The following CERS5 variants were observed in gnomAD, a reference collection of about 807,000 sequenced individuals.
The protein encoded by CERS5 is LAG1 homolog, ceramide synthase 5.
Under a neutral mutation model 58.9 loss-of-function variants are expected in CERS5, and 37 were observed. The observed-to-expected ratio is 0.63, with a 90% CI of 0.48 to 0.83. The LOEUF (loss-of-function observed/expected upper bound fraction) is 0.83, where lower values mean the gene tolerates loss of function less well. CERS5 is among the 40% of genes least tolerant of loss of function. The pLI, the probability that CERS5 is intolerant of heterozygous loss-of-function variation, is 0.00. For synonymous variants in CERS5, 147 were observed against 177.8 expected (o/e 0.83, Z 1.38); for missense variants, 398 against 489.3 (o/e 0.81, Z 1.76).
chr12:50,143,295 A>ACTTATGGC, intron 2 of CERS5, 91 bp from the exon 3 acceptor site: 1 of 1,462,648 alleles, frequency 6.8e-7, no homozygotes, highest in Non-Finnish European at 9.4e-7. Flanking sequence ...TATGATAGCC[A>ACTTATGGC]TAAGTGGCTC....
intron 1 of CERS5, chr12:50,165,705 T>C (rs1565813881): frequency 4.6e-6 from 1 of 218,550 alleles, no homozygotes; most frequent in Admixed American, 6.1e-5. Flanking sequence ...TTTCAGAAAT[T>C]AACAGATTAT....
At chr12:50,164,634 T>C (rs769703392) in intron 1 of CERS5, among the ~76,000 whole-genome samples, 2 of 152,176 alleles carry the variant, frequency 1.3e-5, no homozygotes, top group South Asian at 2.1e-4. Flanking sequence ...CCAAGAATTA[T>C]CATACTAGAA....
rs1378084455 is a variant in CERS5, at chr12:50,155,904, A to G, written c.197+11197T>C. Among the ~76,000 whole-genome samples, 8 of 149,096 alleles carry G rather than the reference A, an allele frequency of 5.4e-5. No homozygotes were observed. The East Asian group carries it at 1.6e-3, about 30-fold the overall frequency. On this transcript the variant is annotated intron_variant, in intron 1 of 9. Coordinates refer to ENST00000317551, the MANE Select transcript of CERS5 (RefSeq NM_147190.5). ...GATCACCTGTGGTCAGGAGTTTGAG[A>G]CCAGCCTGACCAATATGGTGAAACC...
At chr12:50,166,704 C>T (rs1209323693) in intron 1 of CERS5, among the ~76,000 whole-genome samples, 1 of 152,186 alleles carries the variant, frequency 6.6e-6, no homozygotes, top group African/African-American at 2.4e-5. Flanking sequence ...CCTCGGCTTC[C>T]ATGGTCACAA....
chr12:50,154,069 G>A, intron 1 of CERS5: 2 of 238,138 alleles, frequency 8.4e-6, no homozygotes, highest in South Asian at 7.1e-5. Context: ...TTAAGAAACT[G>A]CTACTTGTGG....
intron 1 of CERS5, among the ~76,000 whole-genome samples, chr12:50,157,340 T>C (rs1859767978): frequency 6.6e-6 from 1 of 151,496 alleles, no homozygotes; most frequent in Admixed American, 6.6e-5. Context: ...GATACAGTAA[T>C]ATAGCAAGAT....
intron 9 of CERS5, chr12:50,133,678 T>C: frequency 1.0e-6 from 1 of 985,488 alleles, no homozygotes; most frequent in Non-Finnish European, 1.2e-6. Flanking sequence ...TGAGGCCATC[T>C]CTTAAAAAAC....
intron 1 of CERS5, among the ~76,000 whole-genome samples, chr12:50,160,984 T>C (rs894747039): frequency 1.3e-5 from 2 of 152,182 alleles, no homozygotes; most frequent in African/African-American, 4.8e-5. Flanking sequence ...AAATTATAAT[T>C]TCACCTCTCT....
chr12:50,143,428 G>T, intron 2 of CERS5: 1 of 439,132 alleles, frequency 2.3e-6, no homozygotes, highest in Non-Finnish European at 4.0e-6. Context: ...TCCAGCCCAA[G>T]CTGAGTAAAA....
chr12:50,131,583 A>T (rs866844098), intron 9 of CERS5, among the ~76,000 whole-genome samples: 1 of 151,194 alleles, frequency 6.6e-6, no homozygotes, highest in Non-Finnish European at 1.5e-5. Flanking sequence ...AAAAAGAAAA[A>T]AAAAAAGAAA....
chr12:50,141,961 A>G, intron 4 of CERS5, 92 bp downstream of exon 4: 1 of 787,594 alleles, frequency 1.3e-6, no homozygotes, highest in East Asian at 2.8e-5. Context: ...AAAAAAAAGA[A>G]AAGAAAAAAA....
In CERS5 at chr12:50,142,083, T is replaced by C; in HGVS notation, c.462A>G (p.Ile154Met). Residue 154 changes from isoleucine to methionine, a missense_variant, in exon 4 of 10, where the codon ATA becomes ATG. By Grantham distance (10) the Ile-to-Met change is conservative. Transcript: ENST00000317551. ...AGAGAAATCTAATTCCATAGCAGAA[T>C]ATACATAAATAAAATGTGAATCTCC... is the stretch of plus-strand genomic sequence containing the variant. ...SMWRFTFYLC[I>M]FCYGIRFLWS... is the part of the protein sequence containing the mutation. 1.2e-6 allele frequency: 2 copies of C among 1,605,722 alleles called. No individual in the cohort carries two copies. Among genetic ancestry groups the C allele is most frequent in the Non-Finnish European group, 1.7e-6 (2 of 1,173,384 alleles).
chr12:50,166,673 C>T (rs1939934739), intron 1 of CERS5, among the ~76,000 whole-genome samples: 1 of 152,210 alleles, frequency 6.6e-6, no homozygotes, highest in Non-Finnish European at 1.5e-5. Flanking sequence ...TCCCTTGGAA[C>T]GTCTGGCCCT....
chr12:50,144,816 A>G, intron 1 of CERS5: 1 of 1,524,182 alleles, frequency 6.6e-7, no homozygotes, highest in Non-Finnish European at 8.8e-7. Context: ...TATATCAAGC[A>G]GAGTCCCAAG....
At chr12:50,161,791 A>AAAAAAAAAAAAAAAAAAAAAAAAAC (rs1939303677) in intron 1 of CERS5, among the ~76,000 whole-genome samples, 5 of 150,176 alleles carry the variant, frequency 3.3e-5, no homozygotes, top group East Asian at 1.9e-4. Flanking sequence ...AAAGAAAAAA[A>AAAAAAAAAAAAAAAAAAAAAAAAAC]AAAAAAAAAG....
At chr12:50,143,433 G>A (rs918915921) in intron 2 of CERS5, 26 of 423,700 alleles carry the variant, frequency 6.1e-5, no homozygotes, top group African/African-American at 4.9e-4. Flanking sequence ...CCCAAGCTGA[G>A]TAAAAAAGGA....
chr12:50,142,419 G>A (rs113762826), intron 3 of CERS5, among the ~76,000 whole-genome samples: 8 of 152,076 alleles, frequency 5.3e-5, no homozygotes, highest in African/African-American at 1.2e-4. Flanking sequence ...GCATGGTGGC[G>A]TGCACCTGTA....
intron 1 of CERS5, among the ~76,000 whole-genome samples, chr12:50,159,814 C>T (rs1939072240): frequency 6.6e-6 from 1 of 152,014 alleles, no homozygotes; most frequent in Admixed American, 6.6e-5. Flanking sequence ...TGGTCTCGAA[C>T]TCCTGACCTC....
At chr12:50,153,812 G>T (rs924678493) in intron 1 of CERS5, 35 of 363,772 alleles carry the variant, frequency 9.6e-5, no homozygotes, top group Non-Finnish European at 1.8e-4. Flanking sequence ...AAATTAACTG[G>T]GCGTGATGGC....
Sources: gnomAD v4.1 joint callset for allele counts (sites outside exome capture counted in the v4.1 genomes callset) on GRCh38, gnomAD v4.1.1 for gene constraint, MANE v1.5 for transcripts, NCBI Gene and HGNC (gene_info 2026-07-23, HGNC 2026-07-21) for gene names.